Variants in PCCB observed in about 807,000 individuals in gnomAD.
PCCB encodes the protein propionyl-CoA carboxylase subunit beta.
In PCCB, 43 loss-of-function variants were observed where a neutral mutation model predicts 60.7. That is an observed-to-expected ratio of 0.71 (90% confidence interval 0.55 to 0.91). The LOEUF (loss-of-function observed/expected upper bound fraction) is 0.91, where lower values mean the gene tolerates loss of function less well. Ranked by LOEUF, PCCB falls within the 40% of genes least tolerant of loss-of-function variation. The pLI, the probability that PCCB is intolerant of heterozygous loss-of-function variation, is 0.00. For synonymous variants in PCCB, 276 were observed against 255.9 expected, an observed-to-expected ratio of 1.08 and a Z score of -0.75; for missense variants, 766 against 702.8, an observed-to-expected ratio of 1.09 and a Z score of -1.02.
intron 5 of PCCB, among the ~76,000 whole-genome samples, chr3:136,268,668 TAGTC>T (rs1390365573): frequency 1.3e-5 from 2 of 152,014 alleles, no homozygotes; most frequent in South Asian, 4.1e-4. Flanking sequence ...TTCACCATGT[TAGTC>T]AGGCTGGTCT....
At chr3:136,329,773 A>C (rs888373344) in intron 14 of PCCB, 132 bp from the exon 15 acceptor site, 3 of 930,590 alleles carry the variant, frequency 3.2e-6, no homozygotes, top group East Asian at 5.0e-5. Flanking sequence ...CACAGGGCCT[A>C]CCATCTCTGT....
intron 6 of PCCB, among the ~76,000 whole-genome samples, chr3:136,291,333 T>C (rs1190866627): frequency 6.6e-6 from 1 of 152,204 alleles, no homozygotes; most frequent in Admixed American, 6.5e-5. Flanking sequence ...TTCTGCTACA[T>C]CTGATTCCAG....
chr3:136,314,669 CA>C (rs112170442), intron 9 of PCCB, among the ~76,000 whole-genome samples: 1 of 151,350 alleles, frequency 6.6e-6, no homozygotes, highest in South Asian at 2.1e-4. Flanking sequence ...AAAACAAAAA[CA>C]AAAACAAAAA....
Position 136,250,409 on chromosome 3 carries a change from G to A in PCCB, c.34G>A (p.Ala12Thr), listed in dbSNP as rs1230563587. The change falls in exon 1 of 15, where the codon GCA (alanine) becomes ACA (threonine). Residue 12 changes from alanine to threonine, a missense_variant. By Grantham distance (58) the Ala-to-Thr change is moderately conservative. Coordinates refer to ENST00000251654, the MANE Select transcript of PCCB (RefSeq NM_000532.5). ...GGCATTACGGGTGGCGGCGGTCGGG[G>A]CAAGGCTCAGCGTTCTGGCGAGCGG... ...AAALRVAAVGARLSVLASGLR... is the reference protein window; with the variant it reads ...AAALRVAAVGTRLSVLASGLR... 13 of 1,573,270 alleles carry A rather than the reference G, an allele frequency of 8.3e-6. No individual in the cohort carries two copies. Among genetic ancestry groups the A allele is most frequent in the African/African-American group, 8.1e-5 (6 of 74,056 alleles).
Position 136,327,249 on chromosome 3 carries a change from C to G in PCCB, c.1293C>G (p.Thr431=). 1 of 1,613,116 alleles carries G rather than the reference C, an allele frequency of 6.2e-7. No homozygotes were observed. Among genetic ancestry groups the G allele is most frequent in the Non-Finnish European group, 8.5e-7 (1 of 1,179,064 alleles). The change falls in exon 12 of 15, where the codon ACC becomes ACG. Residue 431 remains threonine (T), a synonymous_variant. Coordinates refer to ENST00000251654, the MANE Select transcript of PCCB (RefSeq NM_000532.5). ...EATVPKVTVI[T]RKAYGGAYDV... is the part of the protein sequence containing the mutation. Reference sequence around the variant, plus strand: ...CTGTACCCAAAGTCACAGTCATCACCAGGAAGGTGAGGACCTCATGTTGGA... The same window carrying G: ...CTGTACCCAAAGTCACAGTCATCACGAGGAAGGTGAGGACCTCATGTTGGA...
At chr3:136,275,169 G>GCCT (rs1942306878) in intron 5 of PCCB, among the ~76,000 whole-genome samples, 1 of 152,076 alleles carries the variant, frequency 6.6e-6, no homozygotes, top group South Asian at 2.1e-4. Context: ...TAATTTGAAA[G>GCCT]CCTTGTCTTG....
intron 5 of PCCB, among the ~76,000 whole-genome samples, chr3:136,271,827 C>G (rs1942210786): frequency 6.6e-6 from 1 of 152,162 alleles, no homozygotes; most frequent in African/African-American, 2.4e-5. Flanking sequence ...TTGACTTCCT[C>G]TTTTCCAATT....
intron 5 of PCCB, among the ~76,000 whole-genome samples, chr3:136,265,481 G>C (rs762792254): frequency 2.0e-5 from 3 of 152,044 alleles, no homozygotes; most frequent in Non-Finnish European, 4.4e-5. Flanking sequence ...ATATGTATCA[G>C]TTTGTTCCTT....
intron 5 of PCCB, among the ~76,000 whole-genome samples, chr3:136,268,084 G>GTATATATATATATATATA (rs1296672355): frequency 1.6e-5 from 1 of 60,944 alleles, no homozygotes; most frequent in Non-Finnish European, 3.3e-5. Context: ...GTGTGTGTGT[G>GTATATATATATATATATA]TAGATATATA....
chr3:136,276,086 T>G (rs515181), intron 5 of PCCB, among the ~76,000 whole-genome samples: 1 of 152,156 alleles, frequency 6.6e-6, no homozygotes, highest in Admixed American at 6.5e-5. Context: ...TTAATAGATA[T>G]GTACTTGATG....
At chr3:136,295,396 A>G (rs980212834) in intron 7 of PCCB, among the ~76,000 whole-genome samples, 2 of 152,152 alleles carry the variant, frequency 1.3e-5, no homozygotes, top group Non-Finnish European at 2.9e-5. Flanking sequence ...GTTTCTCCCC[A>G]TGTCAGGTTG....
At chr3:136,309,889 A>T (rs1158653413) in intron 9 of PCCB, among the ~76,000 whole-genome samples, 1 of 152,164 alleles carries the variant, frequency 6.6e-6, no homozygotes, top group Non-Finnish European at 1.5e-5. Flanking sequence ...CATCAGAGAT[A>T]GGAAGCTTAA....
chr3:136,267,235 A>G (rs1942028489), intron 5 of PCCB, among the ~76,000 whole-genome samples: 1 of 152,092 alleles, frequency 6.6e-6, no homozygotes, highest in Admixed American at 6.6e-5. Context: ...TGCCTGGGCT[A>G]GAGTGCGTTA....
chr3:136,275,946 T>C (rs113720803), intron 5 of PCCB, among the ~76,000 whole-genome samples: 97 of 152,246 alleles, frequency 6.4e-4, no homozygotes, highest in African/African-American at 2.3e-3. Context: ...AATTTTTGTA[T>C]TTTTAGTAGA....
chr3:136,252,973 A>T (rs1374800914), intron 1 of PCCB, among the ~76,000 whole-genome samples: 5 of 148,710 alleles, frequency 3.4e-5, no homozygotes, highest in African/African-American at 1.2e-4. Flanking sequence ...AATAATAGCC[A>T]ATTTGAGGTA....
At chr3:136,252,902 T>G (rs931680709) in intron 1 of PCCB, among the ~76,000 whole-genome samples, 2 of 82,766 alleles carry the variant, frequency 2.4e-5, no homozygotes, top group Non-Finnish European at 5.0e-5. Flanking sequence ...GCCTGTTTTT[T>G]GTTTTGTTTT....
At chr3:136,256,705 G>A in intron 3 of PCCB, 82 bp downstream of exon 3, 1 of 980,812 alleles carries the variant, frequency 1.0e-6, no homozygotes, top group Non-Finnish European at 1.7e-6. Flanking sequence ...CAATCTTGGG[G>A]AATGAAAACT....
chr3:136,273,297 T>C (rs943517740), intron 5 of PCCB, among the ~76,000 whole-genome samples: 1 of 152,184 alleles, frequency 6.6e-6, no homozygotes, highest in Non-Finnish European at 1.5e-5. Context: ...TGCAGTTGTT[T>C]GGTAGAATGT....
intron 1 of PCCB, among the ~76,000 whole-genome samples, chr3:136,252,921 T>A (rs201037341): frequency 3.5e-5 from 5 of 141,154 alleles, no homozygotes; most frequent in South Asian, 2.3e-4. Flanking sequence ...TTTTTTTTTT[T>A]AAATGCAACC....
Sources: allele counts gnomAD v4.1 joint callset (sites outside exome capture counted in the v4.1 genomes callset), GRCh38; gene constraint gnomAD v4.1.1; transcripts MANE v1.5; gene names NCBI Gene and HGNC (gene_info 2026-07-23, HGNC 2026-07-21).